Variants in KSR2 observed in about 807,000 individuals in gnomAD.
KSR2 encodes the protein kinase suppressor of ras 2.
A neutral mutation model predicts 107.8 loss-of-function variants in KSR2; 25 were observed. The ratio of observed to expected loss-of-function variants is 0.23; its 90% confidence interval spans 0.17 to 0.32. KSR2 has a LOEUF of 0.32. Among genes scored for constraint, KSR2 ranks in the 10% least tolerant of loss-of-function variants. The pLI, the probability that KSR2 is intolerant of heterozygous loss-of-function variation, is 1.00. For missense variants in KSR2, 887 were observed against 1,268.9 expected (o/e 0.70, Z 4.57); for synonymous variants, 480 against 507.0 (o/e 0.95, Z 0.71).
At position 117,466,275 on chromosome 12, in the gene KSR2, G is replaced by C. The variant is rs1871140058; in HGVS notation, c.*924C>G. The stretch of plus-strand genomic sequence containing the variant: ...TCACTGGTGTGAGTAGCAGAGAAGA[G>C]GGAAGAAAAGGAATGTCCTAGAACT... On this transcript the variant is annotated 3_prime_UTR_variant, in exon 20 of 20. Coordinates refer to ENST00000339824, the MANE Select transcript of KSR2 (RefSeq NM_173598.6). The C allele has an allele frequency of 6.6e-6, 1 of 152,176 alleles. No individual in the cohort carries two copies. The highest frequency in any genetic ancestry group is 1.9e-4 in the East Asian group (1 of 5,178). 9.4% of individuals were successfully genotyped at this position (152,176 alleles called of 1,614,324 possible). A position where few individuals can be genotyped will look rare whatever the true frequency, so the allele number is the denominator to read the frequency against.
At chr12:117,852,143 C>T (rs11611577) in intron 3 of KSR2, among the ~76,000 whole-genome samples, 26,497 of 151,884 alleles carry the variant, frequency 0.17, 2,509 homozygotes, top group East Asian at 0.31. Flanking sequence ...GAGGACAGGG[C>T]CAGGTGTGAT....
chr12:117,587,649 A>C (rs1190829098), intron 5 of KSR2, among the ~76,000 whole-genome samples: 1 of 152,154 alleles, frequency 6.6e-6, no homozygotes, highest in African/African-American at 2.4e-5. Flanking sequence ...TGTTCCAGGC[A>C]TGGTTTCAAG....
At chr12:117,807,335 A>G (rs1041041506) in intron 3 of KSR2, among the ~76,000 whole-genome samples, 4 of 152,334 alleles carry the variant, frequency 2.6e-5, no homozygotes, top group Admixed American at 2.0e-4. Context: ...TGCAGCGTAT[A>G]AAAAAGAGAG....
chr12:117,476,821 G>C (rs1871813539), intron 16 of KSR2, among the ~76,000 whole-genome samples: 1 of 152,166 alleles, frequency 6.6e-6, no homozygotes, highest in Non-Finnish European at 1.5e-5. Context: ...CATTGCCTCT[G>C]AGGCACCCAC....
intron 1 of KSR2, among the ~76,000 whole-genome samples, chr12:117,905,941 G>A (rs1217674424): frequency 2.0e-5 from 3 of 151,592 alleles, no homozygotes; most frequent in African/African-American, 4.9e-5. Context: ...TTATAGTAGT[G>A]ATCATACTAG....
At chr12:117,824,069 A>AT (rs1208184480) in intron 3 of KSR2, among the ~76,000 whole-genome samples, 1 of 152,260 alleles carries the variant, frequency 6.6e-6, no homozygotes, top group Non-Finnish European at 1.5e-5. Flanking sequence ...TTATTCAGCC[A>AT]TAAAAAGGAA....
At chr12:117,590,671 C>A (rs1257481970) in intron 5 of KSR2, among the ~76,000 whole-genome samples, 1 of 152,176 alleles carries the variant, frequency 6.6e-6, no homozygotes, top group African/African-American at 2.4e-5. Context: ...ACTTGACCCT[C>A]AGGCCAAATT....
chr12:117,595,955 C>T (rs914836646), intron 5 of KSR2, among the ~76,000 whole-genome samples: 1 of 152,108 alleles, frequency 6.6e-6, no homozygotes, highest in African/African-American at 2.4e-5. Flanking sequence ...TTGCTTCAGG[C>T]AAAGACATAG....
chr12:117,504,267 A>G (rs938850074), intron 14 of KSR2, among the ~76,000 whole-genome samples: 1 of 152,184 alleles, frequency 6.6e-6, no homozygotes, highest in Non-Finnish European at 1.5e-5. Flanking sequence ...ATGTAATCCT[A>G]TTACGAATAT....
chr12:117,655,595 T>C (rs1423956669), intron 5 of KSR2, among the ~76,000 whole-genome samples: 1 of 152,150 alleles, frequency 6.6e-6, no homozygotes, highest in East Asian at 1.9e-4. Flanking sequence ...AGCAAAGTTT[T>C]TGCTTCCTGA....
At chr12:117,909,375 A>T (rs986467908) in intron 1 of KSR2, among the ~76,000 whole-genome samples, 23 of 152,156 alleles carry the variant, frequency 1.5e-4, no homozygotes, top group African/African-American at 5.3e-4. Context: ...GTAAGGTTGG[A>T]AACAATGCTC....
At chr12:117,574,532 T>C (rs2058452659) in intron 7 of KSR2, among the ~76,000 whole-genome samples, 1 of 152,058 alleles carries the variant, frequency 6.6e-6, no homozygotes, top group African/African-American at 2.4e-5. Context: ...GGGTTTCCCC[T>C]CATAAAACCA....
chr12:117,736,705 C>G (rs1303190278), intron 4 of KSR2, among the ~76,000 whole-genome samples: 1 of 151,124 alleles, frequency 6.6e-6, no homozygotes, highest in African/African-American at 2.4e-5. Flanking sequence ...TCCAGCTACT[C>G]AGGAGGCTGA....
chr12:117,938,496 A>G (rs1253592210), intron 1 of KSR2, among the ~76,000 whole-genome samples: 1 of 152,070 alleles, frequency 6.6e-6, no homozygotes, highest in Non-Finnish European at 1.5e-5. Context: ...TCTACAAAAA[A>G]TTTAAAAATA....
intron 5 of KSR2, among the ~76,000 whole-genome samples, chr12:117,595,615 G>A (rs372850527): frequency 7.7e-4 from 117 of 151,522 alleles, no homozygotes; most frequent in Middle Eastern, 6.8e-3. Flanking sequence ...CACCCGCCTC[G>A]GCCTCCCAAA....
chr12:117,571,946 G>C (rs1191925431), intron 7 of KSR2, among the ~76,000 whole-genome samples: 1 of 152,038 alleles, frequency 6.6e-6, no homozygotes, highest in Non-Finnish European at 1.5e-5. Flanking sequence ...CTAGGAGTGG[G>C]TCTGGCTGGG....
Position 117,968,314 on chromosome 12 carries a change from G to GA in KSR2, c.-60_-59insT. 2 of 1,453,648 alleles carry GA rather than the reference G, an allele frequency of 1.4e-6. No individual in the cohort carries two copies. The highest frequency in any genetic ancestry group is 2.5e-5 in the East Asian group (1 of 39,916). 90.0% of individuals were successfully genotyped at this position (1,453,648 alleles called of 1,614,324 possible). On this transcript the variant is annotated 5_prime_UTR_variant, in exon 1 of 20. Coordinates refer to ENST00000339824, the MANE Select transcript of KSR2 (RefSeq NM_173598.6). ...CTCCCAGAGAGAAAAAAGAGGGGGG[G>GA]GAGTAGAGGTAGTCTACCCTCCGCC...
chr12:117,617,787 G>A (rs557768363), intron 5 of KSR2, among the ~76,000 whole-genome samples: 19 of 152,248 alleles, frequency 1.2e-4, no homozygotes, highest in Admixed American at 3.9e-4. Flanking sequence ...GTGTATGCAC[G>A]TGCCAAAACT....
At chr12:117,622,241 C>T (rs973342430) in intron 5 of KSR2, among the ~76,000 whole-genome samples, 6 of 151,998 alleles carry the variant, frequency 3.9e-5, no homozygotes, top group Non-Finnish European at 7.4e-5. Context: ...TCTTGGGAAT[C>T]CAGGATTTGG....
Sources: gnomAD v4.1 joint callset for allele counts (sites outside exome capture counted in the v4.1 genomes callset) on GRCh38, gnomAD v4.1.1 for gene constraint, MANE v1.5 for transcripts, NCBI Gene and HGNC (gene_info 2026-07-23, HGNC 2026-07-21) for gene names.